IKBKE: variants seen among roughly 807,000 people sequenced by gnomAD.
IKBKE encodes inhibitor of nuclear factor kappa-B kinase subunit epsilon.
In IKBKE, 45 loss-of-function variants were observed where a neutral mutation model predicts 92.1. The ratio of observed to expected loss-of-function variants is 0.49; its 90% CI spans 0.38 to 0.63. The LOEUF (loss-of-function observed/expected upper bound fraction) is 0.63. Among genes scored for constraint, IKBKE ranks in the 20% least tolerant of loss-of-function variants. IKBKE has a pLI of 0.00. For missense variants in IKBKE, 700 were observed against 932.8 expected (o/e 0.75, Z 3.25); for synonymous variants, 374 against 380.3 (o/e 0.98, Z 0.19).
chr1:206,491,735 C>A lies in IKBKE; in HGVS notation c.1821C>A (p.His607Gln), dbSNP rs201532671. The change falls in exon 18 of 22, where the codon CAC (histidine) becomes CAA (glutamine). Residue 607 changes from histidine to glutamine, a missense_variant. Transcript: ENST00000581977. ...VQKYQASLVT[H>Q]GKRMRVVHET... ...AGTATCAAGCGTCCTTAGTCACACA[C>A]GGCAAGAGGATGAGGTAACAGCCCC... is the stretch of plus-strand genomic sequence containing the variant. The A allele has an allele frequency of 6.2e-7, 1 of 1,612,260 alleles. No homozygotes were observed. The highest frequency in any genetic ancestry group is 1.3e-5 in the African/African-American group (1 of 74,856).
rs1233896743 is a variant in IKBKE at position 206,485,185 on chromosome 1, G to T, written c.1504-9G>T. On this transcript the variant is annotated splice_polypyrimidine_tract_variant and intron_variant, in intron 14 of 21. Coordinates refer to ENST00000581977, the MANE Select transcript of IKBKE (RefSeq NM_014002.4). This position sits in a 1 kb window ranked among gnomAD's most constrained non-coding sequence, Gnocchi z 5.0. ...AGACCCCACGGGGGTCTGCCTTTGT[G>T]CCCCACAGCTAGCGGAGGTCCTCTC... 1 of 1,607,496 alleles carries T rather than the reference G, an allele frequency of 6.2e-7. No individual in the cohort carries two copies. The highest frequency in any genetic ancestry group is 8.5e-7 in the Non-Finnish European group (1 of 1,174,120).
At chr1:206,484,095 T>TTTTATTGTA (rs1665531429) in intron 13 of IKBKE, among the ~76,000 whole-genome samples, 1 of 122,040 alleles carries the variant, frequency 8.2e-6, no homozygotes, top group Admixed American at 8.5e-5. Flanking sequence ...TGGCTTTTAT[T>TTTTATTGTA]TTGTATTGTA....
At position 206,485,420 on chromosome 1, in the gene IKBKE, G is replaced by C. The variant is rs145717666; in HGVS notation, c.1616+114G>C. 3.0e-5 allele frequency: 20 copies of C among 676,896 alleles called. No homozygotes were observed. The highest frequency in any genetic ancestry group is 2.8e-4 in the African/African-American group (16 of 56,204). The allele number at this position is 676,896 out of a possible 1,614,324, so 41.9% of individuals were successfully genotyped here. On this transcript the variant is annotated intron_variant, in intron 15 of 21. Coordinates refer to ENST00000581977, the MANE Select transcript of IKBKE (RefSeq NM_014002.4). The surrounding 1 kb of genome is among the most constrained non-coding windows in gnomAD (Gnocchi z 5.0). The stretch of plus-strand genomic sequence containing the variant: ...CTTGCATTCCCCTTTCTCTTGGCAA[G>C]GGTGCTAGGGCATGGGGGAGTAGAG...
Position 206,485,395 on chromosome 1 carries a change from C to A in IKBKE, c.1616+89C>A. On this transcript the variant is annotated intron_variant, in intron 15 of 21. Transcript: ENST00000581977. The surrounding 1 kb of genome is among the most constrained non-coding windows in gnomAD (Gnocchi z 5.0). ...TAACCTTTAGCCTTTTAGACGTCAG[C>A]TTGCATTCCCCTTTCTCTTGGCAAG... The A allele has an allele frequency of 1.3e-6, 1 of 763,904 alleles. No individual in the cohort carries two copies. The allele number at this position is 763,904 out of a possible 1,614,324, so 47.3% of individuals were successfully genotyped here. A position where few individuals can be genotyped will look rare whatever the true frequency, so the allele number is the denominator to read the frequency against.
chr1:206,479,222 C>T, intron 10 of IKBKE, 89 bp downstream of exon 10: 1 of 1,131,656 alleles, frequency 8.8e-7, no homozygotes, highest in Non-Finnish European at 1.2e-6. Flanking sequence ...GGTTACTTTT[C>T]TTTGTGGGTG....
intron 16 of IKBKE, among the ~76,000 whole-genome samples, chr1:206,489,582 G>A (rs1324165182): frequency 6.6e-6 from 1 of 152,004 alleles, no homozygotes; most frequent in Non-Finnish European, 1.5e-5. Flanking sequence ...TGCGCCTGTA[G>A]TCCTAACTAC....
At chr1:206,484,488 C>T (rs1665553355) in intron 13 of IKBKE, among the ~76,000 whole-genome samples, 1 of 152,202 alleles carries the variant, frequency 6.6e-6, no homozygotes. Context: ...ATGCCCACCC[C>T]ATTATCAACC....
chr1:206,475,028 G>A (rs782593307), intron 5 of IKBKE, 34 bp downstream of exon 5: 20 of 1,611,608 alleles, frequency 1.2e-5, no homozygotes, highest in Non-Finnish European at 1.5e-5. Context: ...TCCACCCTCA[G>A]ACCAGCGGCA....
intron 3 of IKBKE, 50 bp from the exon 4 acceptor site, chr1:206,474,281 G>A (rs1313898196): frequency 1.1e-5 from 17 of 1,560,322 alleles, no homozygotes; most frequent in Non-Finnish European, 1.5e-5. Context: ...GTGGGAGTGG[G>A]ACATGTGCTA....
At chr1:206,475,100 AT>A in intron 5 of IKBKE, 106 bp downstream of exon 5, 1 of 1,240,622 alleles carries the variant, frequency 8.1e-7, no homozygotes, top group African/African-American at 1.5e-5. Context: ...TCCATTTAAA[AT>A]TCCAACTTAA....
At position 206,476,394 on chromosome 1, in the gene IKBKE, T is replaced by A. The variant is rs371868116; in HGVS notation, c.540+32T>A. Reference sequence around the variant, plus strand: ...GAGCTGCTCGAGACCCGCTGCCCTATGCTGAGGGCTCCCCTTGCCTTGTGA... The same window carrying A: ...GAGCTGCTCGAGACCCGCTGCCCTAAGCTGAGGGCTCCCCTTGCCTTGTGA... On this transcript the variant is annotated intron_variant, in intron 6 of 21. Coordinates refer to ENST00000581977, the MANE Select transcript of IKBKE (RefSeq NM_014002.4). This position sits in a 1 kb window ranked among gnomAD's most constrained non-coding sequence, Gnocchi z 5.1. The A allele has an allele frequency of 3.8e-6, 6 of 1,571,316 alleles. No homozygotes were observed. The highest frequency in any genetic ancestry group is 5.2e-6 in the Non-Finnish European group (6 of 1,153,362).
At chr1:206,475,054 C>G (rs1664987740) in intron 5 of IKBKE, 60 bp downstream of exon 5, 5 of 1,566,958 alleles carry the variant, frequency 3.2e-6, no homozygotes, top group Admixed American at 3.5e-5. Context: ...GGGACAGATG[C>G]TGACAGGACT....
chr1:206,494,461 C>T (rs1278340353), intron 21 of IKBKE, among the ~76,000 whole-genome samples: 1 of 152,040 alleles, frequency 6.6e-6, no homozygotes, highest in African/African-American at 2.4e-5. Context: ...TGGGCCAGCC[C>T]GGGGCTGCAG....
At position 206,478,340 on chromosome 1, in the gene IKBKE, G is replaced by A. The variant is rs1198055695; in HGVS notation, c.992+1G>A. ...ACATCTATATCCATGCCCACAACAC[G>A]TAAGTGGGGGCGAGGGAGGGAAGCG... is the stretch of plus-strand genomic sequence containing the variant. On this transcript the variant is annotated splice_donor_variant, in intron 9 of 21. Coordinates refer to ENST00000581977, the MANE Select transcript of IKBKE (RefSeq NM_014002.4). LOFTEE classifies it high-confidence loss of function. This position sits in a 1 kb window ranked among gnomAD's most constrained non-coding sequence, Gnocchi z 4.8. 8 of 1,612,048 alleles carry A rather than the reference G, an allele frequency of 5.0e-6. No individual in the cohort carries two copies. The highest frequency in any genetic ancestry group is 2.7e-5 in the African/African-American group (2 of 74,922).
intron 18 of IKBKE, chr1:206,492,149 C>T (rs1392275509): frequency 6.4e-6 from 2 of 313,046 alleles, no homozygotes; most frequent in East Asian, 8.6e-5. Context: ...TTCTTTCTAC[C>T]GTTCCACCTG....
chr1:206,489,218 C>CAT (rs1301691847), intron 16 of IKBKE, among the ~76,000 whole-genome samples: 47 of 147,098 alleles, frequency 3.2e-4, no homozygotes, highest in South Asian at 1.7e-3. Flanking sequence ...TTATATTTCA[C>CAT]ATATATATAT....
At position 206,496,502 on chromosome 1, in the gene IKBKE, G is replaced by T. The variant is rs560992075; in HGVS notation, c.*357G>T. ...CCTTCCCACTCCCTCTGGTTTATAG[G>T]ACTTCACTCCCTAGCCAACAGGAGA... is the stretch of plus-strand genomic sequence containing the variant. On this transcript the variant is annotated 3_prime_UTR_variant, in exon 22 of 22. Coordinates refer to ENST00000581977, the MANE Select transcript of IKBKE (RefSeq NM_014002.4). 7 of 320,392 alleles carry T rather than the reference G, an allele frequency of 2.2e-5. No homozygotes were observed. The highest frequency in any genetic ancestry group is 4.1e-5 in the African/African-American group (2 of 48,356). The allele number at this position is 320,392 out of a possible 1,614,324, so 19.8% of individuals were successfully genotyped here.
Position 206,478,077 on chromosome 1 carries a change from C to G in IKBKE, c.813-83C>G. Reference sequence around the variant, plus strand: ...CTTGGTCCTAGCTCTTCAGGATATTCTCTTAGAACGCTCCTATTGCCTGCT... The same window carrying G: ...CTTGGTCCTAGCTCTTCAGGATATTGTCTTAGAACGCTCCTATTGCCTGCT... On this transcript the variant is annotated intron_variant, in intron 8 of 21. Transcript: ENST00000581977. The surrounding 1 kb of genome is among the most constrained non-coding windows in gnomAD (Gnocchi z 4.8). 1 of 870,596 alleles carries G rather than the reference C, an allele frequency of 1.1e-6. No individual in the cohort carries two copies. Among genetic ancestry groups the G allele is most frequent in the Non-Finnish European group, 1.7e-6 (1 of 578,414 alleles). 53.9% of individuals were successfully genotyped at this position (870,596 alleles called of 1,614,324 possible).
chr1:206,472,269 AG>A (rs1664817736), intron 2 of IKBKE, among the ~76,000 whole-genome samples: 1 of 152,146 alleles, frequency 6.6e-6, no homozygotes, highest in Non-Finnish European at 1.5e-5. Context: ...AAAAAGAAAA[AG>A]GAAAAAGAAA....
Sources: gnomAD v4.1 joint callset for allele counts (sites outside exome capture counted in the v4.1 genomes callset) on GRCh38, gnomAD v4.1.1 for gene constraint, Gnocchi (gnomAD v3.1) non-coding constraint, MANE v1.5 for transcripts, NCBI Gene and HGNC (gene_info 2026-07-23, HGNC 2026-07-21) for gene names.